The following TPRG1 variants were observed in gnomAD, a reference collection of about 807,000 sequenced individuals.
The protein encoded by TPRG1 is tumor protein p63-regulated gene 1 protein.
A neutral mutation model predicts 29.3 loss-of-function variants in TPRG1; 29 were observed. The ratio of observed to expected loss-of-function variants is 0.99; its 90% CI spans 0.74 to 1.35. The LOEUF (loss-of-function observed/expected upper bound fraction) is 1.35. Ranked by LOEUF, TPRG1 falls within the 40% of genes most tolerant of loss-of-function variation. TPRG1 has a pLI of 0.00. For synonymous variants in TPRG1, 130 were observed against 116.8 expected, an observed-to-expected ratio of 1.11 and a Z score of -0.73; for missense variants, 327 against 335.0, an observed-to-expected ratio of 0.98 and a Z score of 0.19.
chr3:189,281,762 G>A (rs1035418416), intron 4 of TPRG1, among the ~76,000 whole-genome samples: 1 of 152,028 alleles, frequency 6.6e-6, no homozygotes, highest in Admixed American at 6.6e-5. Context: ...TTACCTTTCT[G>A]GTTTGACATG....
intron 4 of TPRG1, 81 bp from the exon 5 acceptor site, chr3:189,310,305 G>C: frequency 8.0e-7 from 1 of 1,255,836 alleles, no homozygotes; most frequent in Non-Finnish European, 1.1e-6. Flanking sequence ...TTAATATGAA[G>C]GCTGACTGAT....
intron 4 of TPRG1, among the ~76,000 whole-genome samples, chr3:189,292,481 G>C (rs1719181420): frequency 6.6e-6 from 1 of 151,978 alleles, no homozygotes; most frequent in Non-Finnish European, 1.5e-5. Context: ...CAGTTTCCCT[G>C]TCTATGAAAT....
chr3:189,208,408 TG>T (rs1734739836), intron 2 of TPRG1, among the ~76,000 whole-genome samples: 1 of 152,170 alleles, frequency 6.6e-6, no homozygotes, highest in Admixed American at 6.5e-5. Context: ...CATGTGTACG[TG>T]GGAGATCTTT....
At chr3:189,244,007 C>A (rs1344953188) in intron 4 of TPRG1, among the ~76,000 whole-genome samples, 2 of 152,164 alleles carry the variant, frequency 1.3e-5, no homozygotes, top group Non-Finnish European at 2.9e-5. Flanking sequence ...CTGCCTGTTA[C>A]CCAATTTCAA....
intron 4 of TPRG1, among the ~76,000 whole-genome samples, chr3:189,244,618 A>G (rs11925154): frequency 0.02 from 3,079 of 152,208 alleles, 108 homozygotes; most frequent in African/African-American, 0.069. Flanking sequence ...AGATCTTACA[A>G]GAACTCACTC....
intron 1 of TPRG1, among the ~76,000 whole-genome samples, chr3:189,187,780 G>C (rs556438643): frequency 3.3e-5 from 5 of 152,316 alleles, no homozygotes; most frequent in African/African-American, 1.2e-4. Context: ...TCTCTAATAT[G>C]CTGGTCTATT....
chr3:189,255,386 G>A (rs1711657913), intron 4 of TPRG1, among the ~76,000 whole-genome samples: 1 of 152,158 alleles, frequency 6.6e-6, no homozygotes, highest in Non-Finnish European at 1.5e-5. Context: ...CTTGATCATG[G>A]TGGATAATCT....
At chr3:189,199,087 C>T (rs1212582664) in intron 1 of TPRG1, among the ~76,000 whole-genome samples, 1 of 152,196 alleles carries the variant, frequency 6.6e-6, no homozygotes. Context: ...AGATGCCCAG[C>T]TCTCCACTCT....
At chr3:189,018,138 T>C (rs1159245316) in intron 3 of TPRG1, among the ~76,000 whole-genome samples, 2 of 152,114 alleles carry the variant, frequency 1.3e-5, no homozygotes, top group African/African-American at 4.8e-5. Flanking sequence ...TAGCCCTTTG[T>C]CAGATGAGTA....
At chr3:189,168,554 C>T (rs930705596), upstream of TPRG1, among the ~76,000 whole-genome samples, 1 of 152,138 alleles carries the variant, frequency 6.6e-6, no homozygotes, top group Non-Finnish European at 1.5e-5. Context: ...TTGTTTAAGA[C>T]ATGGTCCTTA....
intron 2 of TPRG1, among the ~76,000 whole-genome samples, chr3:189,130,789 A>T (rs1388973440): frequency 1.3e-5 from 2 of 152,226 alleles, no homozygotes; most frequent in East Asian, 3.8e-4. Flanking sequence ...CAGTAGAGCT[A>T]TATATTCCAG....
chr3:189,291,518 T>A (rs150790955), intron 4 of TPRG1, among the ~76,000 whole-genome samples: 235 of 152,328 alleles, frequency 1.5e-3, no homozygotes, highest in African/African-American at 5.3e-3. Flanking sequence ...ATCATTATTA[T>A]CATCACTGTT....
upstream of TPRG1, among the ~76,000 whole-genome samples, chr3:189,170,058 C>T (rs1398902875): frequency 6.6e-6 from 1 of 152,148 alleles, no homozygotes; most frequent in African/African-American, 2.4e-5. Context: ...GAGTTTCTTG[C>T]CCTTTAAAAT....
chr3:189,079,455 A>C (rs914903323), intron 4 of TPRG1, among the ~76,000 whole-genome samples: 1 of 152,240 alleles, frequency 6.6e-6, no homozygotes, highest in African/African-American at 2.4e-5. Context: ...TTCTATATCC[A>C]TATTTTAACC....
chr3:189,288,913 G>A (rs1439215270), intron 4 of TPRG1, among the ~76,000 whole-genome samples: 2 of 152,208 alleles, frequency 1.3e-5, no homozygotes, highest in South Asian at 4.1e-4. Context: ...TGAGGTAACC[G>A]AGTTTATGGG....
chr3:189,115,272 T>C (rs1300734240), intron 1 of TPRG1, among the ~76,000 whole-genome samples: 1 of 152,246 alleles, frequency 6.6e-6, no homozygotes. Context: ...GGAGTGTTAT[T>C]TATTGCCTTC....
At chr3:189,001,408 C>G (rs1381240228) in intron 2 of TPRG1, among the ~76,000 whole-genome samples, 1 of 152,144 alleles carries the variant, frequency 6.6e-6, no homozygotes, top group East Asian at 1.9e-4. Flanking sequence ...ATTCTAAGAT[C>G]AAGGTATTGG....
intron 4 of TPRG1, among the ~76,000 whole-genome samples, chr3:189,026,756 G>A (rs1713682998): frequency 6.6e-6 from 1 of 152,272 alleles, no homozygotes; most frequent in Middle Eastern, 3.4e-3. Context: ...ACACTAATGA[G>A]TTTTGAGCTG....
chr3:189,191,857 G>C (rs994602974), intron 1 of TPRG1, among the ~76,000 whole-genome samples: 2 of 152,088 alleles, frequency 1.3e-5, no homozygotes, highest in African/African-American at 4.8e-5. Context: ...TCCTCTTTCA[G>C]GGAAGACTCT....
Sources: gnomAD v4.1 joint callset for allele counts (sites outside exome capture counted in the v4.1 genomes callset) on GRCh38, gnomAD v4.1.1 for gene constraint, MANE v1.5 for transcripts, NCBI Gene and HGNC (gene_info 2026-07-23, HGNC 2026-07-21) for gene names.